MIR2052HG: variants seen among roughly 807,000 people sequenced by gnomAD.
MIR2052HG encodes the protein MIR2052 host gene.
At chr8:74,641,654 T>C (rs1808640073) in intron 2 of MIR2052HG, among the ~76,000 whole-genome samples, 1 of 152,118 alleles carries the variant, frequency 6.6e-6, no homozygotes, top group Admixed American at 6.6e-5. Context: ...AAACATTTCA[T>C]GGGGTTTTTT....
At position 74,663,297 on chromosome 8, in the gene MIR2052HG, T is replaced by C. The variant is rs77244747; in HGVS notation, n.217-39082T>C. Among the ~76,000 whole-genome samples the C allele has an allele frequency of 8.9e-3, 1,353 of 152,264 alleles. 6 individuals carry two copies. Among genetic ancestry groups the C allele is most frequent in the East Asian group, 0.021 (110 of 5,188 alleles). The stretch of plus-strand genomic sequence containing the variant: ...TTTATTGGGTTACACTGGATAATAA[T>C]TCTCTGACTTTGATTCTTTGATATA... On this transcript the variant is annotated intron_variant and non_coding_transcript_variant, in intron 2 of 6. Coordinates refer to ENST00000523442, the Ensembl canonical transcript of MIR2052HG.
intron 2 of MIR2052HG, among the ~76,000 whole-genome samples, chr8:74,613,291 G>T (rs1419626273): frequency 6.6e-6 from 1 of 152,150 alleles, no homozygotes; most frequent in Admixed American, 6.5e-5. Flanking sequence ...ATTCAAGAAG[G>T]GTAAGGCATA....
At chr8:74,755,184 T>C (rs1809986951) in intron 5 of MIR2052HG, among the ~76,000 whole-genome samples, 1 of 152,260 alleles carries the variant, frequency 6.6e-6, no homozygotes. Flanking sequence ...AAAATGGAAC[T>C]GATATTTGGG....
chr8:74,687,772 T>G (rs902853434), intron 2 of MIR2052HG, among the ~76,000 whole-genome samples: 3 of 152,168 alleles, frequency 2.0e-5, no homozygotes, highest in Non-Finnish European at 4.4e-5. Context: ...ATAATACTTA[T>G]AGTTAATAAT....
intron 2 of MIR2052HG, among the ~76,000 whole-genome samples, chr8:74,682,340 A>G (rs1449467107): frequency 6.6e-6 from 1 of 152,140 alleles, no homozygotes; most frequent in Non-Finnish European, 1.5e-5. Context: ...ATCAGATGAC[A>G]TCACAAAGAC....
intron 2 of MIR2052HG, among the ~76,000 whole-genome samples, chr8:74,638,979 G>A (rs1808611518): frequency 6.6e-6 from 1 of 152,166 alleles, no homozygotes; most frequent in Admixed American, 6.6e-5. Context: ...AACAAACAAA[G>A]CCTATAAAGT....
chr8:74,617,909 A>T (rs1466770749), intron 2 of MIR2052HG, among the ~76,000 whole-genome samples: 5 of 152,172 alleles, frequency 3.3e-5, no homozygotes, highest in African/African-American at 1.2e-4. Context: ...GACTGGTGTA[A>T]GATAGTATCT....
At chr8:74,639,708 A>G (rs1018406853) in intron 2 of MIR2052HG, among the ~76,000 whole-genome samples, 2 of 152,182 alleles carry the variant, frequency 1.3e-5, no homozygotes, top group Non-Finnish European at 2.9e-5. Flanking sequence ...CTGTTGAAAA[A>G]GTGATTTCAA....
At chr8:74,754,456 T>C (rs1809979087) in intron 5 of MIR2052HG, among the ~76,000 whole-genome samples, 1 of 152,180 alleles carries the variant, frequency 6.6e-6, no homozygotes, top group Non-Finnish European at 1.5e-5. Context: ...TCAGCCTAAG[T>C]AGAGTGACAT....
chr8:74,729,364 T>A (rs1471827709), intron 4 of MIR2052HG, among the ~76,000 whole-genome samples: 1 of 152,166 alleles, frequency 6.6e-6, no homozygotes, highest in Non-Finnish European at 1.5e-5. Flanking sequence ...GATGTATTAG[T>A]TGTAATGTGC....
intron 3 of MIR2052HG, among the ~76,000 whole-genome samples, chr8:74,703,225 C>A (rs543640739): frequency 3.9e-5 from 6 of 152,122 alleles, no homozygotes; most frequent in Admixed American, 1.3e-4. Flanking sequence ...GCCTAAGACT[C>A]AGGTAGGTCC....
intron 2 of MIR2052HG, among the ~76,000 whole-genome samples, chr8:74,682,940 AAC>A (rs1178424340): frequency 6.6e-6 from 1 of 152,206 alleles, no homozygotes; most frequent in African/African-American, 2.4e-5. Context: ...ATGAACCACA[AAC>A]ACAGAATATG....
chr8:74,718,846 C>T (rs1586922580), intron 4 of MIR2052HG, among the ~76,000 whole-genome samples: 1 of 152,262 alleles, frequency 6.6e-6, no homozygotes, highest in South Asian at 2.1e-4. Context: ...GGGATCCACC[C>T]TTATGATCTA....
chr8:74,741,851 T>C (rs73687267), intron 4 of MIR2052HG, among the ~76,000 whole-genome samples: 1,615 of 152,258 alleles, frequency 0.011, 31 homozygotes, highest in African/African-American at 0.036. Context: ...GTAAACAATG[T>C]GGCATGAAAT....
intron 2 of MIR2052HG, among the ~76,000 whole-genome samples, chr8:74,698,504 G>A (rs1210685350): frequency 2.6e-5 from 4 of 152,106 alleles, no homozygotes; most frequent in Non-Finnish European, 5.9e-5. Flanking sequence ...AAGATAAATA[G>A]ATGGGACTTA....
intron 2 of MIR2052HG, among the ~76,000 whole-genome samples, chr8:74,668,486 C>T (rs1196681431): frequency 6.6e-6 from 1 of 152,168 alleles, no homozygotes; most frequent in Non-Finnish European, 1.5e-5. Flanking sequence ...AGTTGTTTTG[C>T]TGTGTCACAT....
At chr8:74,688,484 A>G (rs1438717837) in intron 2 of MIR2052HG, among the ~76,000 whole-genome samples, 1 of 148,090 alleles carries the variant, frequency 6.8e-6, no homozygotes, top group Non-Finnish European at 1.5e-5. Context: ...ATACATGGAT[A>G]TTAAAGAACT....
chr8:74,645,821 T>G (rs1342753633), intron 2 of MIR2052HG, among the ~76,000 whole-genome samples: 3 of 152,238 alleles, frequency 2.0e-5, no homozygotes, highest in African/African-American at 7.2e-5. Context: ...CTGTGCCATC[T>G]AATGGTCAGC....
chr8:74,604,104 G>A, intron 1 of MIR2052HG: 2 of 926,844 alleles, frequency 2.2e-6, no homozygotes, highest in Non-Finnish European at 1.8e-6. Flanking sequence ...CTGAGATGTT[G>A]ATAGGTGCAC....
Sources: allele counts gnomAD v4.1 joint callset (sites outside exome capture counted in the v4.1 genomes callset), GRCh38; gene constraint gnomAD v4.1.1; transcripts MANE v1.5; gene names NCBI Gene and HGNC (gene_info 2026-07-23, HGNC 2026-07-21).